Variants in NAV2 observed in about 807,000 individuals in gnomAD.
NAV2 encodes helicase, APC down-regulated 1.
NAV2 carries 54 observed loss-of-function variants against 223.2 expected under a neutral mutation model. The observed-to-expected ratio is 0.24, with a 90% CI of 0.19 to 0.30. The LOEUF (loss-of-function observed/expected upper bound fraction) is 0.30. Among genes scored for constraint, NAV2 ranks in the 10% least tolerant of loss-of-function variants. The pLI is 1.00. For synonymous variants in NAV2, 1,279 were observed against 1,239.3 expected (o/e 1.03, Z -0.67); for missense variants, 2,806 against 3,147.5 (o/e 0.89, Z 2.60).
At chr11:19,613,073 C>T (rs1159584836) in intron 1 of NAV2, among the ~76,000 whole-genome samples, 1 of 152,132 alleles carries the variant, frequency 6.6e-6, no homozygotes, top group African/African-American at 2.4e-5. Flanking sequence ...CCCTGATAAA[C>T]CCATCAGATC....
intron 10 of NAV2, among the ~76,000 whole-genome samples, chr11:19,951,957 T>C (rs866667986): frequency 6.6e-6 from 1 of 152,232 alleles, no homozygotes; most frequent in Non-Finnish European, 1.5e-5. Context: ...ACCCTCAGCA[T>C]GAGGAGAGGT....
intron 1 of NAV2, among the ~76,000 whole-genome samples, chr11:19,549,254 G>GC (rs1230626897): frequency 6.6e-6 from 1 of 152,200 alleles, no homozygotes; most frequent in Non-Finnish European, 1.5e-5. Context: ...CAGCCCTGGG[G>GC]CTCCTACCTC....
intron 1 of NAV2, among the ~76,000 whole-genome samples, chr11:19,583,838 C>T (rs1192830971): frequency 6.6e-6 from 1 of 152,076 alleles, no homozygotes; most frequent in Non-Finnish European, 1.5e-5. Flanking sequence ...CTAAAATTCT[C>T]TTTTTTTGTT....
chr11:19,374,597 C>T (rs1388715503), intron 1 of NAV2, among the ~76,000 whole-genome samples: 5 of 152,164 alleles, frequency 3.3e-5, no homozygotes, highest in African/African-American at 9.7e-5. Flanking sequence ...AAAATCTGCA[C>T]AATAGGAAGA....
At chr11:20,035,440 G>A (rs918506250) in intron 11 of NAV2, among the ~76,000 whole-genome samples, 2 of 152,172 alleles carry the variant, frequency 1.3e-5, no homozygotes, top group African/African-American at 4.8e-5. Context: ...ATTAGAGTTA[G>A]AGCTGCTAAC....
At chr11:19,629,673 A>G (rs2047289990) in intron 1 of NAV2, among the ~76,000 whole-genome samples, 1 of 152,082 alleles carries the variant, frequency 6.6e-6, no homozygotes, top group Admixed American at 6.5e-5. Flanking sequence ...GGACCCTCAA[A>G]TAGGTCCTAG....
At chr11:19,591,721 G>A (rs576312393) in intron 1 of NAV2, among the ~76,000 whole-genome samples, 30 of 152,260 alleles carry the variant, frequency 2.0e-4, no homozygotes, top group African/African-American at 5.1e-4. Flanking sequence ...AAAAAGTAGG[G>A]GTTTGCCTTC....
At chr11:19,947,979 A>C (rs950585780) in intron 9 of NAV2, among the ~76,000 whole-genome samples, 1 of 152,192 alleles carries the variant, frequency 6.6e-6, no homozygotes, top group Non-Finnish European at 1.5e-5. Flanking sequence ...GAAGGCTGTG[A>C]TGCAACATCC....
In NAV2 at chr11:19,583,354, T is replaced by C. The variant is rs199977095; in HGVS notation, c.75+232327T>C. On this transcript the variant is annotated intron_variant, in intron 1 of 37. Coordinates refer to the NAV2 transcript ENST00000360655. Reference sequence around the variant, plus strand: ...ACAATATGACTTCCTCTTTTCCTAATTGAATACCCTTTATTTCCTTCTCCT... The same window carrying C: ...ACAATATGACTTCCTCTTTTCCTAACTGAATACCCTTTATTTCCTTCTCCT... Among the ~76,000 whole-genome samples, 353 of 152,372 alleles carry C rather than the reference T, an allele frequency of 2.3e-3. 4 individuals carry two copies. In the East Asian group the frequency reaches 0.027, roughly 12 times the overall value.
chr11:19,383,536 AG>A (rs1848924176), intron 1 of NAV2, among the ~76,000 whole-genome samples: 1 of 152,236 alleles, frequency 6.6e-6, no homozygotes, highest in Non-Finnish European at 1.5e-5. Flanking sequence ...GAAATGCCTT[AG>A]TCTGCGTCTC....
intron 1 of NAV2, among the ~76,000 whole-genome samples, chr11:19,669,220 C>T (rs1180775411): frequency 6.6e-6 from 1 of 152,244 alleles, no homozygotes; most frequent in Non-Finnish European, 1.5e-5. Context: ...TCACTGCCCA[C>T]TCCCCACAGG....
At chr11:19,925,736 A>G (rs2044686416) in intron 6 of NAV2, among the ~76,000 whole-genome samples, 1 of 151,152 alleles carries the variant, frequency 6.6e-6, no homozygotes, top group South Asian at 2.1e-4. Context: ...CAACAGAGTA[A>G]GATTCTGTCT....
chr11:19,959,909 G>A (rs2048211511), intron 10 of NAV2, among the ~76,000 whole-genome samples: 1 of 152,140 alleles, frequency 6.6e-6, no homozygotes, highest in Non-Finnish European at 1.5e-5. Context: ...TGTTGGAACG[G>A]ACCTCCTGCC....
intron 1 of NAV2, among the ~76,000 whole-genome samples, chr11:19,508,761 G>A (rs1455131056): frequency 4.6e-5 from 7 of 152,134 alleles, no homozygotes; most frequent in Non-Finnish European, 1.0e-4. Flanking sequence ...ATTCACTATT[G>A]AATCCCCAAA....
At chr11:19,824,903 CAG>C (rs1565379843) in intron 1 of NAV2, among the ~76,000 whole-genome samples, 2 of 152,168 alleles carry the variant, frequency 1.3e-5, no homozygotes, top group Admixed American at 1.3e-4. Flanking sequence ...TGTTCAAGGA[CAG>C]AATGAACACT....
At chr11:20,072,169 T>G (rs1215252432) in intron 22 of NAV2, among the ~76,000 whole-genome samples, 1 of 152,238 alleles carries the variant, frequency 6.6e-6, no homozygotes, top group Non-Finnish European at 1.5e-5. Context: ...TAGCCAGTTT[T>G]GCCAACACCA....
At chr11:19,349,740 G>C (rs546021907), upstream of NAV2, among the ~76,000 whole-genome samples, 16 of 152,168 alleles carry the variant, frequency 1.1e-4, no homozygotes, top group African/African-American at 3.9e-4. Context: ...CCCACCTCTT[G>C]GACTATTTAT....
At chr11:19,629,172 C>T (rs1002152876) in intron 1 of NAV2, among the ~76,000 whole-genome samples, 3 of 152,104 alleles carry the variant, frequency 2.0e-5, no homozygotes, top group African/African-American at 7.2e-5. Context: ...TCACATCTCT[C>T]TCTCCCACCA....
At chr11:19,777,731 T>C in intron 1 of NAV2, 1 of 410,792 alleles carries the variant, frequency 2.4e-6, no homozygotes, top group Admixed American at 2.5e-5. Context: ...TCTCTGGTTG[T>C]GAGTCATTGA....
Sources: allele counts gnomAD v4.1 joint callset (sites outside exome capture counted in the v4.1 genomes callset), GRCh38; gene constraint gnomAD v4.1.1; transcripts MANE v1.5; gene names NCBI Gene and HGNC (gene_info 2026-07-23, HGNC 2026-07-21).